DNAH10: variants seen among roughly 807,000 people sequenced by gnomAD.
DNAH10 encodes axonemal beta dynein heavy chain 10.
A neutral mutation model predicts 506.6 loss-of-function variants in DNAH10; 348 were observed. The observed-to-expected ratio is 0.69, with a 90% confidence interval of 0.63 to 0.75. DNAH10 has a LOEUF of 0.75. DNAH10 is among the 30% of genes least tolerant of loss of function. The pLI, the probability that DNAH10 is intolerant of heterozygous loss-of-function variation, is 0.00. For missense variants in DNAH10, 5,179 were observed against 5,787.1 expected (o/e 0.89, Z 3.41); for synonymous variants, 2,059 against 2,198.6 (o/e 0.94, Z 1.78).
intron 35 of DNAH10, among the ~76,000 whole-genome samples, chr12:123,852,576 C>T (rs1414378373): frequency 7.0e-6 from 1 of 142,092 alleles, no homozygotes; most frequent in Non-Finnish European, 1.5e-5. Context: ...CATTTACAGC[C>T]TTTTTTTTTT....
rs1199532329 is a variant in DNAH10 at position 123,803,663 on chromosome 12, A to G, written c.2617A>G (p.Ile873Val). 2 of 1,566,938 alleles carry G rather than the reference A, an allele frequency of 1.3e-6. No homozygotes were observed. Among genetic ancestry groups the G allele is most frequent in the Admixed American group, 2.1e-5 (1 of 46,938 alleles). Residue 873 changes from isoleucine to valine, a missense_variant and splice_region_variant, in exon 17 of 79, where the codon ATC becomes GTC. Transcript: ENST00000673944. ...YKRLNWNSLG[I>V]GDYITGCKQA... Reference sequence around the variant, plus strand: ...TTTCTTTCTTTCTTTCTTCAAAGGTATCGGTGACTATATAACTGGTTGCAA... The same window carrying G: ...TTTCTTTCTTTCTTTCTTCAAAGGTGTCGGTGACTATATAACTGGTTGCAA...
intron 40 of DNAH10, 98 bp from the exon 41 acceptor site, chr12:123,865,853 C>T: frequency 1.6e-6 from 2 of 1,235,722 alleles, no homozygotes; most frequent in Non-Finnish European, 2.2e-6. Flanking sequence ...ATTTGGATTT[C>T]ATGCAGTTGT....
Position 123,919,350 on chromosome 12 carries a change from C to T in DNAH10, c.11506+401C>T, listed in dbSNP as rs112900506. On this transcript the variant is annotated intron_variant, in intron 65 of 78. Transcript: ENST00000673944. This position sits in a 1 kb window ranked among gnomAD's most constrained non-coding sequence, Gnocchi z 4.9. ...TTGGCCTCCTGAAGTGCTGGGATTACGAGGTGTGAGCCATCATGCCCAGCT... is the reference window on the plus strand; with the variant it reads ...TTGGCCTCCTGAAGTGCTGGGATTATGAGGTGTGAGCCATCATGCCCAGCT... Among the ~76,000 whole-genome samples the T allele has an allele frequency of 0.011, 1,726 of 152,244 alleles. 26 individuals carry two copies. The highest frequency in any genetic ancestry group is 0.038 in the African/African-American group (1,576 of 41,520).
At chr12:123,841,210 C>A in intron 29 of DNAH10, 112 bp from the exon 30 acceptor site, 1 of 1,091,574 alleles carries the variant, frequency 9.2e-7, no homozygotes, top group Non-Finnish European at 1.4e-6. Flanking sequence ...TCTCGGCTCA[C>A]CGGTTGCCAT....
intron 1 of DNAH10, among the ~76,000 whole-genome samples, chr12:123,764,666 C>A (rs866226586): frequency 6.6e-6 from 1 of 152,152 alleles, no homozygotes; most frequent in Non-Finnish European, 1.5e-5. Flanking sequence ...CTCAGAGGGT[C>A]CCCCTGGTTA....
At chr12:123,829,779 G>A (rs1034495800) in intron 25 of DNAH10, among the ~76,000 whole-genome samples, 15 of 152,070 alleles carry the variant, frequency 9.9e-5, no homozygotes, top group East Asian at 1.9e-4. Context: ...GGTACGTGGC[G>A]TTCTGCTGTC....
intron 53 of DNAH10, among the ~76,000 whole-genome samples, chr12:123,894,080 TC>T (rs1294327163): frequency 1.5e-5 from 2 of 137,516 alleles, no homozygotes; most frequent in Admixed American, 7.4e-5. Flanking sequence ...AGAATGAGCA[TC>T]CTTTTTTTTT....
intron 18 of DNAH10, among the ~76,000 whole-genome samples, chr12:123,807,125 C>G (rs1958709717): frequency 6.6e-6 from 1 of 152,034 alleles, no homozygotes; most frequent in African/African-American, 2.4e-5. Context: ...TTCATCCATC[C>G]ATCCATCATC....
At chr12:123,839,246 A>C (rs1950682042) in intron 29 of DNAH10, among the ~76,000 whole-genome samples, 1 of 152,148 alleles carries the variant, frequency 6.6e-6, no homozygotes, top group Non-Finnish European at 1.5e-5. Context: ...AAAACCAGAA[A>C]TATATGAAGA....
intron 41 of DNAH10, among the ~76,000 whole-genome samples, 183 bp downstream of exon 41, chr12:123,866,256 T>TTTTTG: frequency 7.5e-6 from 1 of 132,886 alleles, no homozygotes; most frequent in Non-Finnish European, 1.6e-5. Flanking sequence ...TTTTTTTTTT[T>TTTTTG]TTTTGGAGAC....
At position 123,864,613 on chromosome 12, in the gene DNAH10, T is replaced by C. The variant is rs573925649; in HGVS notation, c.6927T>C (p.Gly2309=). Residue 2309 remains glycine (G), a synonymous_variant, in exon 40 of 79, where the codon GGT becomes GGC. Coordinates refer to ENST00000673944, the MANE Select transcript of DNAH10 (RefSeq NM_001372106.1). ...GCTGCAGGTATATTTTATTTGATGGTGATGTGGATGCTCTATGGGTGGAAA... is the reference window on the plus strand; with the variant it reads ...GCTGCAGGTATATTTTATTTGATGGCGATGTGGATGCTCTATGGGTGGAAA... ...KKERKYILFD[G]DVDALWVENM... 3 of 1,613,890 alleles carry C rather than the reference T, an allele frequency of 1.9e-6. No homozygotes were observed. The Admixed American group carries it at 5.0e-5, about 27-fold the overall frequency.
intron 19 of DNAH10, 54 bp downstream of exon 19, chr12:123,809,007 G>T: frequency 1.3e-6 from 2 of 1,599,208 alleles, no homozygotes; most frequent in Middle Eastern, 1.7e-4. Context: ...GGATGCCTCC[G>T]CCTCCCAAAG....
Position 123,819,137 on chromosome 12 carries a change from G to A in DNAH10, c.3898-11G>A, listed in dbSNP as rs576493851. 37 of 1,611,556 alleles carry A rather than the reference G, an allele frequency of 2.3e-5. No individual in the cohort carries two copies. The East Asian group carries it at 3.6e-4, about 16-fold the overall frequency. ...ATTTGGGCTAAATTAATGTAACCTC[G>A]TTTTTCTCAGCTTACTCGAGGCGAA... On this transcript the variant is annotated splice_polypyrimidine_tract_variant and intron_variant, in intron 22 of 78. Transcript: ENST00000673944.
chr12:123,893,450 AGCC>A lies in DNAH10; in HGVS notation c.9199+15_9199+17del, dbSNP rs764937827. ...GAAACTTCCCAGGTACCCGCGGTGGAGCCTGTGAACCCATTTCCCCTGCTTTGG... is the reference window on the plus strand; with the variant it reads ...GAAACTTCCCAGGTACCCGCGGTGGATGTGAACCCATTTCCCCTGCTTTGG... On this transcript the variant is annotated intron_variant, in intron 53 of 78. Transcript: ENST00000673944. 6.2e-7 allele frequency: 1 copy of A among 1,611,802 alleles called. No homozygotes were observed. Among genetic ancestry groups the A allele is most frequent in the Non-Finnish European group, 8.5e-7 (1 of 1,179,802 alleles).
At chr12:123,871,361 A>G in intron 44 of DNAH10, 96 bp from the exon 45 acceptor site, 1 of 1,404,732 alleles carries the variant, frequency 7.1e-7, no homozygotes, top group East Asian at 2.5e-5. Context: ...CCTGTTTTTT[A>G]TGGGATTTGT....
At chr12:123,895,537 T>C (rs547306826) in intron 54 of DNAH10, among the ~76,000 whole-genome samples, 1 of 152,352 alleles carries the variant, frequency 6.6e-6, no homozygotes, top group African/African-American at 2.4e-5. Context: ...TTTTCGCAAC[T>C]ACTCAATTCT....
intron 77 of DNAH10, chr12:123,934,380 G>A (rs972831584): frequency 4.3e-5 from 28 of 658,518 alleles, no homozygotes; most frequent in Admixed American, 4.0e-4. Flanking sequence ...AGAGGCCACC[G>A]CCCCACACCC....
intron 18 of DNAH10, among the ~76,000 whole-genome samples, chr12:123,806,768 GTTTTTTT>G (rs759640354): frequency 7.4e-6 from 1 of 135,880 alleles, no homozygotes; most frequent in African/African-American, 2.7e-5. Context: ...AATATGCTAT[GTTTTTTT>G]TTTTTTTTTT....
Position 123,917,404 on chromosome 12 carries a change from C to T in DNAH10, c.11003-180C>T, listed in dbSNP as rs201702528. 2.6e-5 allele frequency among the ~76,000 whole-genome samples: 4 copies of T among 152,226 alleles called. No homozygotes were observed. In the East Asian group the frequency reaches 5.8e-4, roughly 22 times the overall value. Reference sequence around the variant, plus strand: ...TATCTGCCACTCTGCACCACAGCATCGCTGTTTTGCTCCTGCCTGCCACCT... The same window carrying T: ...TATCTGCCACTCTGCACCACAGCATTGCTGTTTTGCTCCTGCCTGCCACCT... On this transcript the variant is annotated intron_variant, in intron 63 of 78. Transcript: ENST00000673944. The surrounding 1 kb of genome is among the most constrained non-coding windows in gnomAD (Gnocchi z 5.6).
Sources: allele counts gnomAD v4.1 joint callset (sites outside exome capture counted in the v4.1 genomes callset), GRCh38; gene constraint gnomAD v4.1.1; non-coding constraint Gnocchi (gnomAD v3.1); transcripts MANE v1.5; gene names NCBI Gene and HGNC (gene_info 2026-07-23, HGNC 2026-07-21).